Variants in PIK3C2G observed in about 807,000 individuals in gnomAD.
The protein encoded by PIK3C2G is phosphatidylinositol-4-phosphate 3-kinase catalytic subunit type 2 gamma.
A neutral mutation model predicts 181.1 loss-of-function variants in PIK3C2G; 168 were observed. That is an observed-to-expected ratio of 0.93 (90% CI 0.82 to 1.05). The LOEUF (loss-of-function observed/expected upper bound fraction) is 1.05. Among genes scored for constraint, PIK3C2G ranks in the 50% least tolerant of loss-of-function variants. The pLI, the probability that PIK3C2G is intolerant of heterozygous loss-of-function variation, is 0.00. For missense variants in PIK3C2G, 1,869 were observed against 1,732.8 expected (o/e 1.08, Z -1.40); for synonymous variants, 573 against 592.2 (o/e 0.97, Z 0.47).
At chr12:18,712,508 TG>T in the PIK3C2G span, among the ~76,000 whole-genome samples, 1 of 152,152 alleles carries the variant, frequency 6.6e-6, no homozygotes, top group African/African-American at 2.4e-5. Context: ...AGTTGAATAT[TG>T]GTAAAATATC....
intron 14 of PIK3C2G, 112 bp downstream of exon 14, chr12:18,381,992 C>G (rs1162676721): frequency 2.8e-6 from 2 of 703,620 alleles, no homozygotes; most frequent in African/African-American, 1.7e-5. Flanking sequence ...TAATAGCCTT[C>G]TCTGCCTCCA....
intron 18 of PIK3C2G, among the ~76,000 whole-genome samples, chr12:18,452,002 C>A (rs535491715): frequency 1.3e-5 from 2 of 152,124 alleles, no homozygotes; most frequent in African/African-American, 4.8e-5. Flanking sequence ...TTCACATTGA[C>A]GTTCATCAGG....
intron 31 of PIK3C2G, among the ~76,000 whole-genome samples, chr12:18,609,847 C>T (rs1168277027): frequency 6.6e-6 from 1 of 151,870 alleles, no homozygotes; most frequent in African/African-American, 2.4e-5. Context: ...CTAGAATGAA[C>T]ATTAAACTTT....
At chr12:18,359,846 C>G (rs1182037597) in intron 11 of PIK3C2G, among the ~76,000 whole-genome samples, 1 of 152,020 alleles carries the variant, frequency 6.6e-6, no homozygotes, top group Non-Finnish European at 1.5e-5. Flanking sequence ...GTCCTTAAAT[C>G]TACATTGAGT....
At chr12:18,566,208 T>TC (rs1378906314) in intron 28 of PIK3C2G, among the ~76,000 whole-genome samples, 1 of 152,162 alleles carries the variant, frequency 6.6e-6, no homozygotes, top group African/African-American at 2.4e-5. Flanking sequence ...TTTACTATCC[T>TC]CCATGTTCAT....
Position 18,503,397 on chromosome 12 carries a change from T to G in PIK3C2G, c.3133T>G (p.Leu1045Val), listed in dbSNP as rs1269508807. The change falls in exon 23 of 33, where the codon TTA becomes GTA. Residue 1045 changes from leucine (L) to valine (V), a missense_variant. Leu to Val is a conservative substitution (Grantham distance 32). Coordinates refer to ENST00000538779, the MANE Select transcript of PIK3C2G (RefSeq NM_001288772.2). ...IKKWFSQHNHLKADYEKALRN... is the reference protein window; with the variant it reads ...IKKWFSQHNHVKADYEKALRN... ...AAAGTGGTTCAGTCAGCACAACCAC[T>G]TAAAGGCAGATTATGAAAAGGTTTG... The G allele has an allele frequency of 6.2e-7, 1 of 1,607,826 alleles. No individual in the cohort carries two copies. The highest frequency in any genetic ancestry group is 8.5e-7 in the Non-Finnish European group (1 of 1,176,648).
At chr12:18,682,097 T>C in the PIK3C2G span, among the ~76,000 whole-genome samples, 1 of 152,030 alleles carries the variant, frequency 6.6e-6, no homozygotes, top group Non-Finnish European at 1.5e-5. Flanking sequence ...TGTGCACTGA[T>C]CTTAAATCCA....
intron 15 of PIK3C2G, among the ~76,000 whole-genome samples, chr12:18,392,659 T>C (rs929946754): frequency 7.2e-5 from 11 of 152,094 alleles, no homozygotes; most frequent in Non-Finnish European, 1.5e-5. Flanking sequence ...ATATTACCTT[T>C]TATGTTATAA....
At chr12:18,371,887 T>C (rs1324775881) in intron 13 of PIK3C2G, among the ~76,000 whole-genome samples, 2 of 152,128 alleles carry the variant, frequency 1.3e-5, no homozygotes, top group Non-Finnish European at 2.9e-5. Context: ...AATTACATGA[T>C]GTTCTATGGT....
chr12:18,602,865 C>G (rs1420772975), intron 30 of PIK3C2G, among the ~76,000 whole-genome samples: 1 of 152,136 alleles, frequency 6.6e-6, no homozygotes. Flanking sequence ...ACAAAAAAAT[C>G]TGAACAACAT....
the PIK3C2G span, among the ~76,000 whole-genome samples, chr12:18,674,016 G>A: frequency 6.6e-6 from 1 of 152,186 alleles, no homozygotes; most frequent in African/African-American, 2.4e-5. Flanking sequence ...ATTGTTTAAA[G>A]GCAGTGGATT....
chr12:18,595,307 G>A (rs1337683115), intron 30 of PIK3C2G, among the ~76,000 whole-genome samples: 1 of 152,072 alleles, frequency 6.6e-6, no homozygotes, highest in Non-Finnish European at 1.5e-5. Flanking sequence ...CTGGCTGTTA[G>A]TTGAAAATAG....
intron 18 of PIK3C2G, among the ~76,000 whole-genome samples, chr12:18,449,424 G>A (rs1947220270): frequency 6.6e-6 from 1 of 151,994 alleles, no homozygotes; most frequent in Admixed American, 6.6e-5. Context: ...CATGCATTAG[G>A]TATCTGTCCT....
chr12:18,455,880 A>T lies in PIK3C2G; in HGVS notation c.2504+31841A>T, dbSNP rs566599726. 1.1e-4 allele frequency among the ~76,000 whole-genome samples: 16 copies of T among 152,268 alleles called. No individual in the cohort carries two copies. The South Asian group carries it at 3.3e-3, about 32-fold the overall frequency. The stretch of plus-strand genomic sequence containing the variant: ...GGAACACAAACATTCAGTTGATAGC[A>T]TTCACGCATTCATTATATCCTTTAA... On this transcript the variant is annotated intron_variant, in intron 18 of 32. Transcript: ENST00000538779.
At position 18,313,955 on chromosome 12, in the gene PIK3C2G, C is replaced by T; in HGVS notation, c.1035-7C>T. 1 of 1,475,388 alleles carries T rather than the reference C, an allele frequency of 6.8e-7. No homozygotes were observed. Among genetic ancestry groups the T allele is most frequent in the Non-Finnish European group, 9.4e-7 (1 of 1,068,050 alleles). The allele number at this position is 1,475,388 out of a possible 1,614,324, so 91.4% of individuals were successfully genotyped here. On this transcript the variant is annotated splice_polypyrimidine_tract_variant and splice_region_variant and intron_variant, in intron 5 of 32. Transcript: ENST00000538779. ...GATATGATTGTGTTCATTTTTTCCT[C>T]CTTCAGCGACCACTGTTTGGGGAGC... is the stretch of plus-strand genomic sequence containing the variant.
At chr12:18,568,661 C>G (rs1419641500) in intron 29 of PIK3C2G, among the ~76,000 whole-genome samples, 1 of 152,024 alleles carries the variant, frequency 6.6e-6, no homozygotes, top group African/African-American at 2.4e-5. Flanking sequence ...CAAACTCTGC[C>G]AATTTCAATA....
At chr12:18,507,060 C>G (rs1941882543) in intron 24 of PIK3C2G, among the ~76,000 whole-genome samples, 1 of 151,208 alleles carries the variant, frequency 6.6e-6, no homozygotes. Flanking sequence ...GATGGAGTCT[C>G]ATTCTGTCGC....
intron 30 of PIK3C2G, among the ~76,000 whole-genome samples, chr12:18,597,835 G>A (rs1947463624): frequency 6.6e-6 from 1 of 151,910 alleles, no homozygotes; most frequent in Admixed American, 6.6e-5. Context: ...AAAATCACAA[G>A]CATTCTTATA....
chr12:18,553,871 T>C lies in PIK3C2G; in HGVS notation c.3590+7439T>C, dbSNP rs114940512. 5.7e-3 allele frequency among the ~76,000 whole-genome samples: 875 copies of C among 152,224 alleles called. 5 individuals carry two copies. The highest frequency in any genetic ancestry group is 0.02 in the African/African-American group (835 of 41,574). On this transcript the variant is annotated intron_variant, in intron 26 of 32. Coordinates refer to ENST00000538779, the MANE Select transcript of PIK3C2G (RefSeq NM_001288772.2). Reference sequence around the variant, plus strand: ...TCATATGCATTTATTTCTTTACTCATTGGTAGTAGATTTTCTGAAATAATA... The same window carrying C: ...TCATATGCATTTATTTCTTTACTCACTGGTAGTAGATTTTCTGAAATAATA...
Sources: gnomAD v4.1 joint callset for allele counts (sites outside exome capture counted in the v4.1 genomes callset) on GRCh38, gnomAD v4.1.1 for gene constraint, MANE v1.5 for transcripts, NCBI Gene and HGNC (gene_info 2026-07-23, HGNC 2026-07-21) for gene names.